Variants in AUTS2 observed in about 807,000 individuals in gnomAD.
AUTS2 encodes activator of transcription and developmental regulator AUTS2, also known as autism susceptibility gene 2 protein.
A neutral mutation model predicts 112.4 loss-of-function variants in AUTS2; 17 were observed. The observed-to-expected ratio is 0.15, with a 90% CI of 0.10 to 0.23. AUTS2 has a LOEUF of 0.23. Among genes scored for constraint, AUTS2 ranks in the 10% least tolerant of loss-of-function variants. AUTS2 has a pLI of 1.00. For missense variants in AUTS2, 1,510 were observed against 1,701.6 expected, an observed-to-expected ratio of 0.89 and a Z score of 1.98; for synonymous variants, 751 against 702.7, an observed-to-expected ratio of 1.07 and a Z score of -1.09.
chr7:70,408,993 G>A (rs760354071), intron 4 of AUTS2, among the ~76,000 whole-genome samples: 2 of 152,148 alleles, frequency 1.3e-5, no homozygotes, highest in African/African-American at 2.4e-5. Context: ...ATCTATCCAG[G>A]TTGGTTCTGA....
chr7:70,501,652 C>A (rs1585224642), intron 5 of AUTS2, among the ~76,000 whole-genome samples: 1 of 152,220 alleles, frequency 6.6e-6, no homozygotes, highest in East Asian at 1.9e-4. Flanking sequence ...CTCATCCAGG[C>A]TACATGAGAC....
chr7:70,061,761 G>A (rs1309241597), intron 2 of AUTS2, among the ~76,000 whole-genome samples: 1 of 151,394 alleles, frequency 6.6e-6, no homozygotes, highest in Non-Finnish European at 1.5e-5. Context: ...CTTGTGGGTG[G>A]AATTTAAGGG....
chr7:70,164,177 G>T lies in AUTS2; in HGVS notation c.660+29606G>T, dbSNP rs10238049. On this transcript the variant is annotated intron_variant, in intron 4 of 18. Transcript: ENST00000342771. ...ACAAAGTTATGCAGGTAGAATTCTC[G>T]TATAAAATCAATCTAGTTTTCCCTG... Among the ~76,000 whole-genome samples the T allele has an allele frequency of 4.6e-5, 7 of 152,160 alleles. No homozygotes were observed. The East Asian group carries it at 5.8e-4, about 13-fold the overall frequency.
intron 5 of AUTS2, among the ~76,000 whole-genome samples, chr7:70,643,142 T>C (rs898965942): frequency 6.6e-6 from 1 of 152,262 alleles, no homozygotes; most frequent in Non-Finnish European, 1.5e-5. Flanking sequence ...ATGTCCACTC[T>C]GATGGCTCTC....
At chr7:69,914,560 A>T (rs1486737046) in intron 2 of AUTS2, among the ~76,000 whole-genome samples, 1 of 151,842 alleles carries the variant, frequency 6.6e-6, no homozygotes, top group Non-Finnish European at 1.5e-5. Context: ...CATGGAATCT[A>T]TCAGCAGTTT....
chr7:69,970,413 A>G (rs1797801087), intron 2 of AUTS2, among the ~76,000 whole-genome samples: 1 of 152,154 alleles, frequency 6.6e-6, no homozygotes, highest in Non-Finnish European at 1.5e-5. Flanking sequence ...CAAATGCAGC[A>G]TTTCTAAAGT....
intron 6 of AUTS2, among the ~76,000 whole-genome samples, chr7:70,724,977 C>T (rs1165167987): frequency 6.6e-6 from 1 of 152,142 alleles, no homozygotes; most frequent in African/African-American, 2.4e-5. Context: ...ATCTGGATTT[C>T]AGAAACGTTA....
chr7:70,558,395 G>A (rs1214793784), intron 5 of AUTS2, among the ~76,000 whole-genome samples: 2 of 152,120 alleles, frequency 1.3e-5, no homozygotes, highest in East Asian at 3.9e-4. Flanking sequence ...CAGCTGTGGG[G>A]GACCCTTCCA....
chr7:69,723,260 G>A (rs917672969), intron 1 of AUTS2, among the ~76,000 whole-genome samples: 14 of 151,974 alleles, frequency 9.2e-5, no homozygotes, highest in South Asian at 4.2e-4. Flanking sequence ...TGTGATTCTC[G>A]GAGACCTTTT....
At chr7:69,822,692 G>C (rs1357928209) in intron 1 of AUTS2, among the ~76,000 whole-genome samples, 4 of 152,224 alleles carry the variant, frequency 2.6e-5, no homozygotes, top group African/African-American at 9.6e-5. Context: ...GCACAGGACA[G>C]ATAGAATCTT....
intron 1 of AUTS2, among the ~76,000 whole-genome samples, chr7:69,884,867 A>T (rs943836949): frequency 1.3e-5 from 2 of 152,198 alleles, no homozygotes; most frequent in Non-Finnish European, 2.9e-5. Flanking sequence ...CTCACTGCAG[A>T]TATAGCTTGA....
intron 4 of AUTS2, among the ~76,000 whole-genome samples, chr7:70,171,462 C>T (rs1312092862): frequency 3.3e-5 from 5 of 152,156 alleles, no homozygotes; most frequent in Admixed American, 6.5e-5. Flanking sequence ...GTATTTGCAA[C>T]ATGTTCACCA....
intron 4 of AUTS2, among the ~76,000 whole-genome samples, chr7:70,319,946 T>G (rs1790175839): frequency 6.6e-6 from 1 of 152,214 alleles, no homozygotes. Context: ...TATCTCTCGT[T>G]CATAGATCAA....
chr7:70,095,442 G>A (rs1316836650), intron 2 of AUTS2, among the ~76,000 whole-genome samples: 1 of 152,086 alleles, frequency 6.6e-6, no homozygotes, highest in Non-Finnish European at 1.5e-5. Context: ...ATTAGGAGAG[G>A]CTAACTCTTG....
chr7:70,362,692 T>G (rs1235074209), intron 4 of AUTS2, among the ~76,000 whole-genome samples: 2 of 152,128 alleles, frequency 1.3e-5, no homozygotes, highest in African/African-American at 4.8e-5. Context: ...TTGATTTTAT[T>G]TTTTAATCAG....
At chr7:69,606,391 G>A (rs1272218382) in intron 1 of AUTS2, among the ~76,000 whole-genome samples, 1 of 152,196 alleles carries the variant, frequency 6.6e-6, no homozygotes, top group African/African-American at 2.4e-5. Context: ...GCCTTTGGAC[G>A]AGAAGGTCTG....
chr7:69,925,566 A>G (rs962716598), intron 2 of AUTS2, among the ~76,000 whole-genome samples: 23 of 152,178 alleles, frequency 1.5e-4, no homozygotes, highest in Non-Finnish European at 3.2e-4. Context: ...AAATCAGTCA[A>G]TTAATTAATT....
In AUTS2 at chr7:70,283,088, T is replaced by C. The variant is rs149326781; in HGVS notation, c.660+148517T>C. ...GGATTTGGAATCCTGAAAAAGCTAC[T>C]GTTTGTACCATTCAGAATATTAGCT... is the stretch of plus-strand genomic sequence containing the variant. On this transcript the variant is annotated intron_variant, in intron 4 of 18. Coordinates refer to ENST00000342771, the MANE Select transcript of AUTS2 (RefSeq NM_015570.4). Among the ~76,000 whole-genome samples, 203 of 152,332 alleles carry C rather than the reference T, an allele frequency of 1.3e-3. 1 individual carries two copies. Among genetic ancestry groups the C allele is most frequent in the African/African-American group, 4.6e-3 (192 of 41,582 alleles).
intron 4 of AUTS2, among the ~76,000 whole-genome samples, chr7:70,173,378 AAGAG>A (rs746907579): frequency 3.7e-4 from 56 of 152,080 alleles, no homozygotes; most frequent in Admixed American, 1.6e-3. Context: ...AAAAAAAAGA[AAGAG>A]AGAAAGAAAA....
Sources: allele counts gnomAD v4.1 joint callset (sites outside exome capture counted in the v4.1 genomes callset), GRCh38; gene constraint gnomAD v4.1.1; transcripts MANE v1.5; gene names NCBI Gene and HGNC (gene_info 2026-07-23, HGNC 2026-07-21).